IL27: variants seen among roughly 807,000 people sequenced by gnomAD.
IL27 encodes interleukin 27, also known as interleukin-27 subunit alpha.
IL27 carries 11 observed loss-of-function variants against 27.0 expected under a neutral mutation model. The ratio of observed to expected loss-of-function variants is 0.41; its 90% CI spans 0.26 to 0.67. IL27 has a LOEUF of 0.67. Ranked by LOEUF, IL27 falls within the 30% of genes least tolerant of loss-of-function variation. The pLI is 0.34. For synonymous variants in IL27, 134 were observed against 140.6 expected, an observed-to-expected ratio of 0.95 and a Z score of 0.33; for missense variants, 299 against 310.4, an observed-to-expected ratio of 0.96 and a Z score of 0.28.
In IL27 at chr16:28,499,391, C is replaced by A; in HGVS notation, c.*260G>T. The A allele has an allele frequency of 2.2e-6, 1 of 460,166 alleles. No homozygotes were observed. The highest frequency in any genetic ancestry group is 3.9e-6 in the Non-Finnish European group (1 of 255,268). The allele number at this position is 460,166 out of a possible 1,614,324, so 28.5% of individuals were successfully genotyped here. A position where few individuals can be genotyped will look rare whatever the true frequency, so the allele number is the denominator to read the frequency against. On this transcript the variant is annotated 3_prime_UTR_variant, in exon 5 of 5. Transcript: ENST00000356897. The stretch of plus-strand genomic sequence containing the variant: ...TGAGAGTGCTTTATTGGGCACCCAG[C>A]ATGGGGGCTTGGCCCGAGGAGGACC...
intron 1 of IL27, among the ~76,000 whole-genome samples, chr16:28,506,500 C>T (rs140982589): frequency 6.8e-4 from 104 of 152,262 alleles, no homozygotes; most frequent in African/African-American, 2.4e-3. Flanking sequence ...CATTTATCTG[C>T]CTAGACCTGG....
chr16:28,503,429 T>G (rs887501747), intron 3 of IL27, among the ~76,000 whole-genome samples: 2 of 152,122 alleles, frequency 1.3e-5, no homozygotes, highest in Non-Finnish European at 2.9e-5. Context: ...CTTAAATTTT[T>G]TTTTGTAGAG....
In IL27 at chr16:28,502,238, C is replaced by T; in HGVS notation, c.304-104G>A. On this transcript the variant is annotated intron_variant, in intron 3 of 4. Coordinates refer to ENST00000356897, the MANE Select transcript of IL27 (RefSeq NM_145659.3). The stretch of plus-strand genomic sequence containing the variant: ...TCTCCTTCCCATTCCACGCTCCAGC[C>T]TCCAGTCCATCCCTGTAGCTCTTCC... 2.8e-6 allele frequency: 3 copies of T among 1,084,970 alleles called. No homozygotes were observed. The South Asian group carries it at 4.7e-5, about 17-fold the overall frequency. The allele number at this position is 1,084,970 out of a possible 1,614,324, so 67.2% of individuals were successfully genotyped here.
At position 28,499,378 on chromosome 16, in the gene IL27, AT is replaced by A. The variant is rs1025015592; in HGVS notation, c.*272del. 2.3e-6 allele frequency: 1 copy of A among 427,490 alleles called. No individual in the cohort carries two copies. The highest frequency in any genetic ancestry group is 2.0e-5 in the African/African-American group (1 of 51,092). The allele number at this position is 427,490 out of a possible 1,614,324, so 26.5% of individuals were successfully genotyped here. A position where few individuals can be genotyped will look rare whatever the true frequency, so the allele number is the denominator to read the frequency against. On this transcript the variant is annotated 3_prime_UTR_variant, in exon 5 of 5. Coordinates refer to ENST00000356897, the MANE Select transcript of IL27 (RefSeq NM_145659.3). ...GGCCAGGGGTGGATGAGAGTGCTTT[AT>A]TGGGCACCCAGCATGGGGGCTTGGC...
chr16:28,503,669 G>T (rs530300038), intron 3 of IL27, 26 bp downstream of exon 3: 1 of 1,554,398 alleles, frequency 6.4e-7, no homozygotes, highest in Admixed American at 1.8e-5. Context: ...CAAGCTTCCC[G>T]CCCCACTCCA....
At position 28,499,864 on chromosome 16, in the gene IL27, C is replaced by T. The variant is rs745526889; in HGVS notation, c.519G>A (p.Glu173=). ...PEEEEEEEEE[E]EEERKGLLPG... is the part of the protein sequence containing the mutation. ...GGAGCAGCCCCTTCCTCTCCTCCTC[C>T]TCCTCCTCCTCTTCCTCCTCCTCCT... Residue 173 remains glutamate, a synonymous_variant, in exon 5 of 5, where the codon GAG becomes GAA. Transcript: ENST00000356897. The T allele has an allele frequency of 5.8e-6, 9 of 1,555,918 alleles. No homozygotes were observed. The highest frequency in any genetic ancestry group is 7.8e-6 in the Non-Finnish European group (9 of 1,149,478).
chr16:28,502,764 C>G (rs2046439948), intron 3 of IL27, among the ~76,000 whole-genome samples: 1 of 152,156 alleles, frequency 6.6e-6, no homozygotes, highest in Admixed American at 6.6e-5. Context: ...CTGCCGCGTT[C>G]CATGCCTAGC....
intron 2 of IL27, 31 bp downstream of exon 2, chr16:28,503,847 C>T (rs1283559510): frequency 6.2e-7 from 1 of 1,613,384 alleles, no homozygotes; most frequent in Non-Finnish European, 8.5e-7. Context: ...GTCTGCCCAT[C>T]TCCAGCGCCA....
intron 3 of IL27, 75 bp from the exon 4 acceptor site, chr16:28,502,209 C>T (rs181207): frequency 0.31 from 433,948 of 1,392,446 alleles, 70,645 homozygotes; most frequent in Admixed American, 0.34. Context: ...CCTCCCTATC[C>T]GGGTCTCCTT....
chr16:28,501,868 C>G (rs1306471606), intron 4 of IL27, 108 bp downstream of exon 4: 1 of 1,321,398 alleles, frequency 7.6e-7, no homozygotes, highest in African/African-American at 1.4e-5. Flanking sequence ...CACTCAGTCA[C>G]ACTCACACTC....
Position 28,499,866 on chromosome 16 carries a change from C to T in IL27, c.517G>A (p.Glu173Lys). The change falls in exon 5 of 5, where the codon GAG becomes AAG. Residue 173 changes from glutamate (E) to lysine (K), a missense_variant. Coordinates refer to ENST00000356897, the MANE Select transcript of IL27 (RefSeq NM_145659.3). Reference sequence around the variant, plus strand: ...AGCAGCCCCTTCCTCTCCTCCTCCTCCTCCTCCTCTTCCTCCTCCTCCTCC... The same window carrying T: ...AGCAGCCCCTTCCTCTCCTCCTCCTTCTCCTCCTCTTCCTCCTCCTCCTCC... ...PEEEEEEEEE[E>K]EEERKGLLPG... 6.4e-7 allele frequency: 1 copy of T among 1,555,966 alleles called. No individual in the cohort carries two copies. Among genetic ancestry groups the T allele is most frequent in the Non-Finnish European group, 8.7e-7 (1 of 1,149,510 alleles).
In IL27 at chr16:28,499,608, A is replaced by G. The variant is rs1472372369; in HGVS notation, c.*43T>C. ...GCCCTGATGCCAAGACTCCAGTCCTAAAGTTCTAAAGGGTGGGGGGCAGGG... is the reference window on the plus strand; with the variant it reads ...GCCCTGATGCCAAGACTCCAGTCCTGAAGTTCTAAAGGGTGGGGGGCAGGG... On this transcript the variant is annotated 3_prime_UTR_variant, in exon 5 of 5. Transcript: ENST00000356897. The G allele has an allele frequency of 1.3e-6, 2 of 1,514,922 alleles. No individual in the cohort carries two copies. The highest frequency in any genetic ancestry group is 1.7e-4 in the Middle Eastern group (1 of 5,778). The allele number at this position is 1,514,922 out of a possible 1,614,324, so 93.8% of individuals were successfully genotyped here. A position where few individuals can be genotyped will look rare whatever the true frequency, so the allele number is the denominator to read the frequency against.
chr16:28,504,191 A>G lies in IL27; in HGVS notation c.32-141T>C, dbSNP rs917604364. ...ATTCCTCTGCCTCCTCAAAACCACA[A>G]TGGAGGCTGGGTGCGGTGACTCACA... On this transcript the variant is annotated intron_variant, in intron 1 of 4. Coordinates refer to ENST00000356897, the MANE Select transcript of IL27 (RefSeq NM_145659.3). The G allele has an allele frequency of 2.4e-5, 20 of 833,358 alleles. No homozygotes were observed. The Admixed American group carries it at 5.4e-4, about 23-fold the overall frequency. The allele number at this position is 833,358 out of a possible 1,614,324, so 51.6% of individuals were successfully genotyped here.
chr16:28,501,627 ACTCACT>A (rs1356687393), intron 4 of IL27, among the ~76,000 whole-genome samples: 1 of 148,414 alleles, frequency 6.7e-6, no homozygotes, highest in Admixed American at 6.8e-5. Context: ...AGACCCACAC[ACTCACT>A]CTCACACTCA....
chr16:28,501,631 ACT>A (rs1341233643), intron 4 of IL27, among the ~76,000 whole-genome samples: 4 of 145,994 alleles, frequency 2.7e-5, no homozygotes, highest in African/African-American at 7.6e-5. Context: ...CCACACACTC[ACT>A]CTCACACTCA....
intron 4 of IL27, among the ~76,000 whole-genome samples, chr16:28,500,126 A>G (rs1212873490): frequency 6.6e-6 from 1 of 152,196 alleles, no homozygotes; most frequent in Non-Finnish European, 1.5e-5. Flanking sequence ...GAAGTCAAGG[A>G]GCAAGAGGAT....
chr16:28,504,428 A>C (rs1042918597), intron 1 of IL27, among the ~76,000 whole-genome samples: 2 of 152,086 alleles, frequency 1.3e-5, no homozygotes, highest in Admixed American at 6.6e-5. Context: ...CAGTGAGCTA[A>C]CACCACTGTG....
chr16:28,502,158 G>A, intron 3 of IL27, 24 bp from the exon 4 acceptor site: 1 of 1,566,364 alleles, frequency 6.4e-7, no homozygotes, highest in Non-Finnish European at 8.7e-7. Flanking sequence ...AGATGGTCAG[G>A]AAAGGTCCAC....
intron 1 of IL27, 36 bp downstream of exon 1, chr16:28,506,745 C>A: frequency 1.2e-6 from 2 of 1,605,304 alleles, no homozygotes; most frequent in Non-Finnish European, 1.7e-6. Context: ...TCTGCCCAAA[C>A]TCAACCAAGC....
Sources: allele counts gnomAD v4.1 joint callset (sites outside exome capture counted in the v4.1 genomes callset), GRCh38; gene constraint gnomAD v4.1.1; transcripts MANE v1.5; gene names NCBI Gene and HGNC (gene_info 2026-07-23, HGNC 2026-07-21).